Variants in KYAT1 observed in about 807,000 individuals in gnomAD.
The protein encoded by KYAT1 is kynurenine aminotransferase 1, also known as kynurenine--oxoglutarate transaminase 1.
KYAT1 carries 47 observed loss-of-function variants against 52.4 expected under a neutral mutation model. That is an observed-to-expected ratio of 0.90 (90% CI 0.71 to 1.14). KYAT1 has a LOEUF of 1.14. Among genes scored for constraint, KYAT1 ranks in the 50% most tolerant of loss-of-function variants. The probability of loss-of-function intolerance (pLI) is 0.00; values close to 1 mark genes in which losing one functional copy is unlikely to be tolerated. For missense variants in KYAT1, 480 were observed against 557.9 expected, an observed-to-expected ratio of 0.86 and a Z score of 1.41; for synonymous variants, 212 against 209.6, an observed-to-expected ratio of 1.01 and a Z score of -0.10.
At chr9:128,836,118 G>T in intron 7 of KYAT1, 45 bp from the exon 8 acceptor site, 1 of 1,581,326 alleles carries the variant, frequency 6.3e-7, no homozygotes. Context: ...GGGGTGAGGG[G>T]GACGGGGGAG....
At chr9:128,856,873 A>G (rs1231533404) in intron 1 of KYAT1, among the ~76,000 whole-genome samples, 3 of 152,238 alleles carry the variant, frequency 2.0e-5, no homozygotes, top group Admixed American at 6.5e-5. Context: ...CCCCCAGCCC[A>G]ACACCCGTAA....
intron 9 of KYAT1, 21 bp downstream of exon 9, chr9:128,835,758 T>TGA: frequency 6.2e-7 from 1 of 1,608,746 alleles, no homozygotes; most frequent in Non-Finnish European, 8.5e-7. Context: ...CACTCCCCCG[T>TGA]GACGTCCTGC....
At chr9:128,858,656 T>C (rs536450878) in intron 1 of KYAT1, among the ~76,000 whole-genome samples, 38 of 144,474 alleles carry the variant, frequency 2.6e-4, no homozygotes, top group Non-Finnish European at 4.7e-4. Flanking sequence ...CACTGCACCA[T>C]TGCACTCCAG....
chr9:128,874,361 G>T (rs1837659074), intron 1 of KYAT1, among the ~76,000 whole-genome samples: 1 of 151,622 alleles, frequency 6.6e-6, no homozygotes, highest in Non-Finnish European at 1.5e-5. Flanking sequence ...GCCAAGGCTG[G>T]AGTGCAGTGG....
At chr9:128,877,620 G>C (rs1417237115) in intron 1 of KYAT1, among the ~76,000 whole-genome samples, 1 of 152,200 alleles carries the variant, frequency 6.6e-6, no homozygotes, top group Non-Finnish European at 1.5e-5. Context: ...GCCATGTCTT[G>C]TCCAACTTCA....
intron 3 of KYAT1, chr9:128,842,164 G>A: frequency 3.4e-6 from 1 of 295,504 alleles, no homozygotes; most frequent in Non-Finnish European, 7.0e-6. Flanking sequence ...TTGCACTCCA[G>A]CCTGGATAAC....
chr9:128,843,873 C>T (rs568980247), intron 2 of KYAT1, among the ~76,000 whole-genome samples: 122 of 152,360 alleles, frequency 8.0e-4, no homozygotes, highest in African/African-American at 2.5e-3. Context: ...CAGTTAAACG[C>T]TCTGCTCATA....
intron 2 of KYAT1, among the ~76,000 whole-genome samples, chr9:128,843,873 C>A (rs568980247): frequency 6.6e-6 from 1 of 152,242 alleles, no homozygotes; most frequent in East Asian, 1.9e-4. Flanking sequence ...CAGTTAAACG[C>A]TCTGCTCATA....
chr9:128,845,617 G>A (rs1564465237), intron 1 of KYAT1: 1 of 564,046 alleles, frequency 1.8e-6, no homozygotes, highest in East Asian at 3.1e-5. Flanking sequence ...GGTTCCTCTT[G>A]ACTCCAGCAG....
chr9:128,840,287 T>C (rs955735342), intron 3 of KYAT1, among the ~76,000 whole-genome samples: 1 of 152,014 alleles, frequency 6.6e-6, no homozygotes, highest in Non-Finnish European at 1.5e-5. Flanking sequence ...GTTGTTGTTG[T>C]TGTTGTTGTC....
chr9:128,879,737 GA>G (rs2130871116), intron 1 of KYAT1, among the ~76,000 whole-genome samples: 1 of 152,284 alleles, frequency 6.6e-6, no homozygotes, highest in South Asian at 2.1e-4. Flanking sequence ...CTTCCTTGGA[GA>G]AGCCCCTTCT....
At chr9:128,858,221 A>G (rs1348420874) in intron 1 of KYAT1, among the ~76,000 whole-genome samples, 2 of 150,170 alleles carry the variant, frequency 1.3e-5, no homozygotes, top group South Asian at 4.2e-4. Context: ...ACACGACAAA[A>G]CCCCATCTCT....
At chr9:128,847,693 T>A (rs1833336012) in intron 1 of KYAT1, 7 of 553,156 alleles carry the variant, frequency 1.3e-5, no homozygotes, top group Non-Finnish European at 1.3e-5. Flanking sequence ...ATATGGTCAT[T>A]GCGTGCCAGG....
intron 1 of KYAT1, among the ~76,000 whole-genome samples, chr9:128,872,685 T>C (rs1367701715): frequency 1.3e-5 from 2 of 151,356 alleles, no homozygotes; most frequent in Admixed American, 6.6e-5. Context: ...GAGACCAGCT[T>C]GAACTCGGGA....
At chr9:128,849,489 T>G (rs558078700) in intron 1 of KYAT1, among the ~76,000 whole-genome samples, 34 of 150,828 alleles carry the variant, frequency 2.3e-4, no homozygotes, top group Non-Finnish European at 3.5e-4. Flanking sequence ...CAACTAAATA[T>G]CCACATGTAA....
chr9:128,843,383 T>C (rs1170713914), intron 2 of KYAT1, among the ~76,000 whole-genome samples: 1 of 61,842 alleles, frequency 1.6e-5, no homozygotes, highest in Non-Finnish European at 3.1e-5. Context: ...AGAAATCATC[T>C]TTTTTTTTTT....
chr9:128,834,307 A>G (rs545774594), intron 11 of KYAT1, among the ~76,000 whole-genome samples: 4 of 152,208 alleles, frequency 2.6e-5, no homozygotes, highest in Non-Finnish European at 5.9e-5. Flanking sequence ...ACATCATTCC[A>G]AGTCCCTCCC....
chr9:128,836,195 G>C (rs1831064581), intron 7 of KYAT1, 122 bp from the exon 8 acceptor site: 5 of 679,896 alleles, frequency 7.4e-6, no homozygotes, highest in Non-Finnish European at 1.2e-5. Flanking sequence ...TACATACTAA[G>C]TTATTTGCAC....
At chr9:128,851,735 G>A (rs889757941) in intron 1 of KYAT1, among the ~76,000 whole-genome samples, 9 of 152,212 alleles carry the variant, frequency 5.9e-5, no homozygotes, top group Non-Finnish European at 1.0e-4. Flanking sequence ...CAGAGACAGA[G>A]TTCAAGAAAG....
Sources: gnomAD v4.1 joint callset for allele counts (sites outside exome capture counted in the v4.1 genomes callset) on GRCh38, gnomAD v4.1.1 for gene constraint, MANE v1.5 for transcripts, NCBI Gene and HGNC (gene_info 2026-07-23, HGNC 2026-07-21) for gene names.